The following CDR2 variants were observed in gnomAD, a reference collection of about 807,000 sequenced individuals.
CDR2 encodes cerebellar degeneration-related protein 2.
In CDR2, 34 loss-of-function variants were observed where a neutral mutation model predicts 48.4. The observed-to-expected ratio is 0.70, with a 90% CI of 0.53 to 0.94. CDR2 has a LOEUF of 0.94. Among genes scored for constraint, CDR2 ranks in the 40% least tolerant of loss-of-function variants. The pLI, the probability that CDR2 is intolerant of heterozygous loss-of-function variation, is 0.00. For missense variants in CDR2, 498 were observed against 549.5 expected (o/e 0.91, Z 0.94); for synonymous variants, 240 against 219.7 (o/e 1.09, Z -0.82).
At chr16:22,353,140 C>T (rs2048953269) in intron 2 of CDR2, among the ~76,000 whole-genome samples, 1 of 152,114 alleles carries the variant, frequency 6.6e-6, no homozygotes, top group Non-Finnish European at 1.5e-5. Flanking sequence ...TTTAAAAAGG[C>T]TAATGCATAA....
chr16:22,353,221 A>G (rs531531737), intron 2 of CDR2, among the ~76,000 whole-genome samples: 1 of 152,134 alleles, frequency 6.6e-6, no homozygotes, highest in South Asian at 2.1e-4. Context: ...CACATCCTCT[A>G]TTAGGACACA....
At chr16:22,369,401 C>A (rs1316714621) in intron 1 of CDR2, among the ~76,000 whole-genome samples, 1 of 152,144 alleles carries the variant, frequency 6.6e-6, no homozygotes, top group Non-Finnish European at 1.5e-5. Context: ...ACCTGTGCTA[C>A]TTAAGAGTAG....
At chr16:22,358,082 GCTCT>G (rs1344053906) in intron 2 of CDR2, among the ~76,000 whole-genome samples, 1 of 152,156 alleles carries the variant, frequency 6.6e-6, no homozygotes, top group Admixed American at 6.5e-5. Flanking sequence ...AAAATGATGA[GCTCT>G]CTAAGTACGT....
At chr16:22,359,606 G>GT (rs1170714919) in intron 2 of CDR2, among the ~76,000 whole-genome samples, 1 of 152,158 alleles carries the variant, frequency 6.6e-6, no homozygotes, top group Non-Finnish European at 1.5e-5. Context: ...CCAAAGCAGT[G>GT]TAAGCATTAT....
intron 2 of CDR2, among the ~76,000 whole-genome samples, chr16:22,356,868 GA>G (rs1284861308): frequency 1.4e-5 from 2 of 147,268 alleles, no homozygotes; most frequent in African/African-American, 5.0e-5. Context: ...TTGAACCTGC[GA>G]GGCAGAAGTT....
At chr16:22,371,503 A>T (rs974660060) in intron 1 of CDR2, among the ~76,000 whole-genome samples, 1 of 152,190 alleles carries the variant, frequency 6.6e-6, no homozygotes, top group Non-Finnish European at 1.5e-5. Flanking sequence ...AATCCTACCT[A>T]TCCACTCATG....
rs2048901767 is a variant in CDR2 at position 22,346,034 on chromosome 16, A to G, written c.*931T>C. The G allele has an allele frequency of 6.6e-6, 1 of 152,478 alleles. No homozygotes were observed. The highest frequency in any genetic ancestry group is 2.4e-5 in the African/African-American group (1 of 41,396). 9.4% of individuals were successfully genotyped at this position (152,478 alleles called of 1,614,324 possible). A position where few individuals can be genotyped will look rare whatever the true frequency, so the allele number is the denominator to read the frequency against. ...GTTTTAAGTTAAAAGAATGCAAGTG[A>G]GAGGATGTTTCCACAGTCAGATCAA... On this transcript the variant is annotated 3_prime_UTR_variant, in exon 5 of 5. Coordinates refer to ENST00000268383, the MANE Select transcript of CDR2 (RefSeq NM_001802.2).
At chr16:22,353,042 G>C (rs1464177061) in intron 2 of CDR2, among the ~76,000 whole-genome samples, 1 of 152,138 alleles carries the variant, frequency 6.6e-6, no homozygotes, top group African/African-American at 2.4e-5. Context: ...AGAATCACAA[G>C]AATATATATA....
chr16:22,355,051 C>T (rs149121695), intron 2 of CDR2, among the ~76,000 whole-genome samples: 14 of 152,316 alleles, frequency 9.2e-5, no homozygotes, highest in East Asian at 3.9e-4. Flanking sequence ...CTACTTTCCT[C>T]GTCCTCCAAT....
intron 2 of CDR2, among the ~76,000 whole-genome samples, chr16:22,363,906 T>C (rs2049027632): frequency 6.6e-6 from 1 of 152,192 alleles, no homozygotes; most frequent in Non-Finnish European, 1.5e-5. Context: ...TCTTTCATTT[T>C]AGTTTGTTAA....
At position 22,346,485 on chromosome 16, in the gene CDR2, G is replaced by A. The variant is rs191360174; in HGVS notation, c.*480C>T. On this transcript the variant is annotated 3_prime_UTR_variant, in exon 5 of 5. Coordinates refer to ENST00000268383, the MANE Select transcript of CDR2 (RefSeq NM_001802.2). ...GACATTTCTTTTGGATTAGACCCCT[G>A]CTTTCTCTCGAACATTCTTCGTAAT... The A allele has an allele frequency of 6.3e-6, 1 of 157,612 alleles. No homozygotes were observed. Among genetic ancestry groups the A allele is most frequent in the East Asian group, 1.9e-4 (1 of 5,374 alleles). The allele number at this position is 157,612 out of a possible 1,614,324, so 9.8% of individuals were successfully genotyped here.
chr16:22,367,716 G>A (rs1413603727), intron 1 of CDR2, among the ~76,000 whole-genome samples: 1 of 152,128 alleles, frequency 6.6e-6, no homozygotes, highest in Non-Finnish European at 1.5e-5. Context: ...AGCATTAGTT[G>A]TTGTAATGTC....
chr16:22,358,108 G>A (rs2048987526), intron 2 of CDR2, among the ~76,000 whole-genome samples: 1 of 152,128 alleles, frequency 6.6e-6, no homozygotes, highest in South Asian at 2.1e-4. Context: ...CTGATGTAAG[G>A]CCAGACATCT....
At chr16:22,362,161 A>C (rs1399619668) in intron 2 of CDR2, among the ~76,000 whole-genome samples, 2 of 152,302 alleles carry the variant, frequency 1.3e-5, no homozygotes, top group South Asian at 2.1e-4. Flanking sequence ...TTGGCCTACC[A>C]AAGTGCTAGG....
chr16:22,352,246 AAACAC>A (rs996882240), intron 2 of CDR2, among the ~76,000 whole-genome samples: 5 of 152,172 alleles, frequency 3.3e-5, no homozygotes, highest in African/African-American at 9.7e-5. Context: ...AGACTGTCTC[AAACAC>A]AACACAACAC....
rs1264993618 is a variant in CDR2 at position 22,346,331 on chromosome 16, TATATC to T, written c.*629_*633del. 7.2e-5 allele frequency: 11 copies of T among 153,392 alleles called. No individual in the cohort carries two copies. The highest frequency in any genetic ancestry group is 3.3e-4 in the Admixed American group (5 of 15,376). The allele number at this position is 153,392 out of a possible 1,614,324, so 9.5% of individuals were successfully genotyped here. On this transcript the variant is annotated 3_prime_UTR_variant, in exon 5 of 5. Coordinates refer to ENST00000268383, the MANE Select transcript of CDR2 (RefSeq NM_001802.2). ...TAGGGCATATGCTAACAAGCTAACT[TATATC>T]AAACAAAAATTTGCCATCTCAATTT...
At chr16:22,374,127 C>T in intron 1 of CDR2, 104 bp downstream of exon 1, 1 of 716,814 alleles carries the variant, frequency 1.4e-6, no homozygotes, top group Non-Finnish European at 2.3e-6. Context: ...CCCTTCCCGG[C>T]ACCTGCATCC....
chr16:22,371,604 T>C (rs916859451), intron 1 of CDR2, among the ~76,000 whole-genome samples: 1 of 152,206 alleles, frequency 6.6e-6, no homozygotes, highest in Admixed American at 6.5e-5. Flanking sequence ...TTAAAATCTG[T>C]TAAAAGTTTA....
intron 2 of CDR2, among the ~76,000 whole-genome samples, chr16:22,362,058 C>T (rs1453024594): frequency 6.6e-6 from 1 of 151,976 alleles, no homozygotes; most frequent in South Asian, 2.1e-4. Context: ...CCCGCCACCA[C>T]GCCCGGCTAA....
Sources: allele counts gnomAD v4.1 joint callset (sites outside exome capture counted in the v4.1 genomes callset), GRCh38; gene constraint gnomAD v4.1.1; transcripts MANE v1.5; gene names NCBI Gene and HGNC (gene_info 2026-07-23, HGNC 2026-07-21).